The following HAUS1 variants were observed in gnomAD, a reference collection of about 807,000 sequenced individuals.
HAUS1 encodes HAUS augmin-like complex subunit 1.
Under a neutral mutation model 38.6 loss-of-function variants are expected in HAUS1, and 25 were observed. That is an observed-to-expected ratio of 0.65 (90% CI 0.47 to 0.91). HAUS1 has a LOEUF of 0.91. Ranked by LOEUF, HAUS1 falls within the 40% of genes least tolerant of loss-of-function variation. HAUS1 has a pLI of 0.00. For synonymous variants in HAUS1, 109 were observed against 112.9 expected (o/e 0.97, Z 0.22); for missense variants, 325 against 328.4 (o/e 0.99, Z 0.08).
At chr18:46,105,621 G>A (rs1343893266) in intron 2 of HAUS1, among the ~76,000 whole-genome samples, 2 of 149,002 alleles carry the variant, frequency 1.3e-5, no homozygotes, top group South Asian at 2.1e-4. Context: ...TTGCTCTGTC[G>A]CCCAGGCTGG....
rs545198216 is a variant in HAUS1 at position 46,111,378 on chromosome 18, A to G, written c.205+6010A>G. 5.3e-5 allele frequency among the ~76,000 whole-genome samples: 8 copies of G among 151,780 alleles called. No individual in the cohort carries two copies. In the South Asian group the frequency reaches 1.7e-3, roughly 32 times the overall value. ...CTCACTCTGTTGCCCAGGCTGGAGTACAGGAGCTTGATCTCGGCTCACTGC... is the reference window on the plus strand; with the variant it reads ...CTCACTCTGTTGCCCAGGCTGGAGTGCAGGAGCTTGATCTCGGCTCACTGC... On this transcript the variant is annotated intron_variant, in intron 2 of 8. Coordinates refer to ENST00000282058, the MANE Select transcript of HAUS1 (RefSeq NM_138443.4).
In HAUS1 at chr18:46,120,011, C is replaced by T; in HGVS notation, c.427C>T (p.Leu143Phe). Residue 143 changes from leucine (L) to phenylalanine (F), a missense_variant, in exon 4 of 9, where the codon CTT (leucine) becomes TTT (phenylalanine). Transcript: ENST00000282058. ...SEEIKIELEKLEKNLTATLVL... is the reference protein window; with the variant it reads ...SEEIKIELEKFEKNLTATLVL... ...AGAAATCAAGATTGAACTGGAAAAA[C>T]TTGAAAAAAATTTAACTGCAACTTT... The T allele has an allele frequency of 6.2e-7, 1 of 1,608,246 alleles. No individual in the cohort carries two copies. Among genetic ancestry groups the T allele is most frequent in the Middle Eastern group, 1.7e-4 (1 of 6,036 alleles).
chr18:46,112,987 A>ATATATATAATGTG (rs1204521135), intron 2 of HAUS1, among the ~76,000 whole-genome samples: 1 of 22,868 alleles, frequency 4.4e-5, no homozygotes, highest in African/African-American at 3.6e-4. Flanking sequence ...TATATATATA[A>ATATATATAATGTG]TATATATTCC....
At chr18:46,104,915 C>T (rs1364517971) in intron 1 of HAUS1, among the ~76,000 whole-genome samples, 2 of 152,108 alleles carry the variant, frequency 1.3e-5, no homozygotes, top group Non-Finnish European at 2.9e-5. Flanking sequence ...TAAGGTTTTT[C>T]AAGCGAGGCA....
In HAUS1 at chr18:46,123,349, A is replaced by G; in HGVS notation, c.651A>G (p.Leu217=). Residue 217 remains leucine (L), a synonymous_variant, in exon 6 of 9, where the codon TTA becomes TTG. Coordinates refer to ENST00000282058, the MANE Select transcript of HAUS1 (RefSeq NM_138443.4). The stretch of plus-strand genomic sequence containing the variant: ...ATGCTTCTCTGTCTCATCAGTCCTT[A>G]GTAGCACTATCAGAGGTGAGCTTAT... ...GMDASLSHQS[L]VALSEKLARL... The G allele has an allele frequency of 6.2e-7, 1 of 1,609,652 alleles. No individual in the cohort carries two copies. The highest frequency in any genetic ancestry group is 8.5e-7 in the Non-Finnish European group (1 of 1,176,836).
chr18:46,123,269 TA>T, intron 5 of HAUS1, 29 bp from the exon 6 acceptor site: 1 of 1,494,296 alleles, frequency 6.7e-7, no homozygotes, highest in Non-Finnish European at 9.2e-7. Flanking sequence ...AATAATTTTT[TA>T]ACTGAACTCC....
intron 6 of HAUS1, among the ~76,000 whole-genome samples, chr18:46,124,596 TATA>T (rs1013404897): frequency 6.6e-6 from 1 of 151,614 alleles, no homozygotes; most frequent in African/African-American, 2.4e-5. Flanking sequence ...AAAAAAAAAT[TATA>T]ATAATAATAA....
intron 2 of HAUS1, chr18:46,109,874 C>A (rs1164290913): frequency 6.6e-6 from 1 of 152,244 alleles, no homozygotes; most frequent in Non-Finnish European, 1.5e-5. Context: ...CCCACCTCGG[C>A]CTCCCAAAGT....
chr18:46,123,651 A>G (rs1029428695), intron 6 of HAUS1, among the ~76,000 whole-genome samples: 1 of 152,298 alleles, frequency 6.6e-6, no homozygotes, highest in East Asian at 1.9e-4. Flanking sequence ...CCATGAGCTA[A>G]TCATCTAGGT....
rs551110602 is a variant in HAUS1 at position 46,124,494 on chromosome 18, G to T, written c.667-328G>T. 1.6e-3 allele frequency among the ~76,000 whole-genome samples: 242 copies of T among 151,764 alleles called. 2 individuals carry two copies. Among genetic ancestry groups the T allele is most frequent in the African/African-American group, 5.6e-3 (231 of 41,386 alleles). ...CCAGCTACCTGGAAGGCTGAAGTGGGAAGATTGGTTGAGCTGAGGAGTTTG... is the reference window on the plus strand; with the variant it reads ...CCAGCTACCTGGAAGGCTGAAGTGGTAAGATTGGTTGAGCTGAGGAGTTTG... On this transcript the variant is annotated intron_variant, in intron 6 of 8. Coordinates refer to ENST00000282058, the MANE Select transcript of HAUS1 (RefSeq NM_138443.4).
At chr18:46,105,800 C>T (rs1223296753) in intron 2 of HAUS1, among the ~76,000 whole-genome samples, 1 of 151,996 alleles carries the variant, frequency 6.6e-6, no homozygotes, top group African/African-American at 2.4e-5. Context: ...AGGCTGGTCT[C>T]GAACTCCTGA....
chr18:46,116,790 A>G (rs1164402087), intron 2 of HAUS1, among the ~76,000 whole-genome samples: 2 of 152,078 alleles, frequency 1.3e-5, no homozygotes, highest in Non-Finnish European at 2.9e-5. Context: ...AGGCAGGCAG[A>G]TCGCTTGAGT....
intron 2 of HAUS1, among the ~76,000 whole-genome samples, chr18:46,111,549 T>C (rs908551506): frequency 6.6e-6 from 1 of 152,094 alleles, no homozygotes. Context: ...TTTGAACTCC[T>C]GGCCTCAAGG....
At chr18:46,124,036 C>T (rs1386272314) in intron 6 of HAUS1, among the ~76,000 whole-genome samples, 1 of 152,110 alleles carries the variant, frequency 6.6e-6, no homozygotes, top group Admixed American at 6.6e-5. Context: ...CCACCACACC[C>T]AGCCTCCTTT....
At position 46,124,905 on chromosome 18, in the gene HAUS1, C is replaced by T. The variant is rs540200931; in HGVS notation, c.738+12C>T. 25 of 1,476,534 alleles carry T rather than the reference C, an allele frequency of 1.7e-5. No individual in the cohort carries two copies. The highest frequency in any genetic ancestry group is 1.1e-4 in the South Asian group (10 of 87,396). 91.5% of individuals were successfully genotyped at this position (1,476,534 alleles called of 1,614,324 possible). On this transcript the variant is annotated intron_variant, in intron 7 of 8. Coordinates refer to ENST00000282058, the MANE Select transcript of HAUS1 (RefSeq NM_138443.4). ...TAGACTTAATGCCGGTAATAATTTT[C>T]GCGAATTAAAAAACAATTATTTCCT...
chr18:46,123,165 C>T (rs1453057464), intron 5 of HAUS1, 134 bp from the exon 6 acceptor site: 6 of 608,826 alleles, frequency 9.9e-6, no homozygotes, highest in Non-Finnish European at 1.2e-5. Context: ...GAGCCGAGAT[C>T]GCGCCACTGC....
Position 46,116,792 on chromosome 18 carries a change from C to A in HAUS1, c.206-1389C>A, listed in dbSNP as rs564002545. Among the ~76,000 whole-genome samples, 7 of 151,856 alleles carry A rather than the reference C, an allele frequency of 4.6e-5. 1 individual carries two copies. Among genetic ancestry groups the A allele is most frequent in the Admixed American group, 1.3e-4 (2 of 15,234 alleles). ...CTTTGGGAGGCCAAGGCAGGCAGAT[C>A]GCTTGAGTCCAGGAGTTCAAGACCA... is the stretch of plus-strand genomic sequence containing the variant. On this transcript the variant is annotated intron_variant, in intron 2 of 8. Coordinates refer to ENST00000282058, the MANE Select transcript of HAUS1 (RefSeq NM_138443.4).
At position 46,125,726 on chromosome 18, in the gene HAUS1, T is replaced by A; in HGVS notation, c.739-18T>A. On this transcript the variant is annotated intron_variant, in intron 7 of 8. Coordinates refer to ENST00000282058, the MANE Select transcript of HAUS1 (RefSeq NM_138443.4). The stretch of plus-strand genomic sequence containing the variant: ...ATTGAGGCAATATAACCTTTCCTTG[T>A]TTTATTTTTTTTTAAAGAATCCGTC... 1 of 1,569,972 alleles carries A rather than the reference T, an allele frequency of 6.4e-7. No homozygotes were observed. The highest frequency in any genetic ancestry group is 1.1e-5 in the South Asian group (1 of 87,932).
At chr18:46,105,076 G>T in intron 1 of HAUS1, 118 bp from the exon 2 acceptor site, 1 of 614,760 alleles carries the variant, frequency 1.6e-6, no homozygotes, top group Non-Finnish European at 2.7e-6. Context: ...TGTGAAGTAG[G>T]ACTCCAAAAT....
Sources: allele counts gnomAD v4.1 joint callset (sites outside exome capture counted in the v4.1 genomes callset), GRCh38; gene constraint gnomAD v4.1.1; transcripts MANE v1.5; gene names NCBI Gene and HGNC (gene_info 2026-07-23, HGNC 2026-07-21).